Variants in TESK2 observed in about 807,000 individuals in gnomAD.
The protein encoded by TESK2 is dual specificity testis-specific protein kinase 2.
A neutral mutation model predicts 57.1 loss-of-function variants in TESK2; 39 were observed. The observed-to-expected ratio is 0.68, with a 90% CI of 0.53 to 0.89. The LOEUF (loss-of-function observed/expected upper bound fraction) is 0.89, where lower values mean the gene tolerates loss of function less well. TESK2 is among the 40% of genes least tolerant of loss of function. The pLI is 0.00. For missense variants in TESK2, 646 were observed against 732.1 expected (o/e 0.88, Z 1.36); for synonymous variants, 249 against 267.9 (o/e 0.93, Z 0.69).
chr1:45,475,690 G>A (rs1652961993), intron 1 of TESK2, among the ~76,000 whole-genome samples: 1 of 152,174 alleles, frequency 6.6e-6, no homozygotes, highest in African/African-American at 2.4e-5. Flanking sequence ...GCGGCCAAGG[G>A]AGATTAACAT....
chr1:45,384,389 G>GTCTGTCTGTCTA (rs1355753034), intron 4 of TESK2, among the ~76,000 whole-genome samples: 5 of 144,264 alleles, frequency 3.5e-5, no homozygotes, highest in African/African-American at 1.0e-4. Flanking sequence ...CTATCTATCT[G>GTCTGTCTGTCTA]TCTATCTATC....
chr1:45,488,472 G>A (rs1653576839), intron 1 of TESK2, among the ~76,000 whole-genome samples: 1 of 152,074 alleles, frequency 6.6e-6, no homozygotes, highest in Non-Finnish European at 1.5e-5. Context: ...ATATTTCCTA[G>A]ATGAACCTTC....
At chr1:45,398,373 C>A (rs1649449500) in intron 3 of TESK2, among the ~76,000 whole-genome samples, 1 of 151,988 alleles carries the variant, frequency 6.6e-6, no homozygotes, top group Non-Finnish European at 1.5e-5. Context: ...GAAACCCAAT[C>A]TCTACCAAAA....
At chr1:45,371,537 A>G (rs547717069) in intron 4 of TESK2, among the ~76,000 whole-genome samples, 2 of 152,346 alleles carry the variant, frequency 1.3e-5, no homozygotes, top group South Asian at 4.1e-4. Context: ...TTCCACTTAT[A>G]TGAGGTATCA....
intron 2 of TESK2, among the ~76,000 whole-genome samples, chr1:45,449,866 A>G (rs1236849028): frequency 3.9e-5 from 6 of 152,194 alleles, no homozygotes; most frequent in Non-Finnish European, 8.8e-5. Flanking sequence ...TTGTCTAAAT[A>G]CAATTTTTTA....
At chr1:45,452,359 C>G (rs1029261880) in intron 2 of TESK2, among the ~76,000 whole-genome samples, 7 of 151,560 alleles carry the variant, frequency 4.6e-5, no homozygotes, top group Middle Eastern at 3.2e-3. Context: ...ATCTAGAAGC[C>G]AAATTAACAT....
chr1:45,425,241 G>C (rs573400100), intron 2 of TESK2, among the ~76,000 whole-genome samples: 1 of 152,262 alleles, frequency 6.6e-6, no homozygotes, highest in Non-Finnish European at 1.5e-5. Context: ...ACAAAAATCA[G>C]TAGCATTTCT....
In TESK2 at chr1:45,446,967, C is replaced by T. The variant is rs184357685; in HGVS notation, c.222+10597G>A. ...GTACAGTTGTTCACACCTATAATCC[C>T]AGTACTTTGGGAAGCCAAGGTAGGG... On this transcript the variant is annotated intron_variant, in intron 2 of 10. Transcript: ENST00000372086. 2.8e-4 allele frequency among the ~76,000 whole-genome samples: 42 copies of T among 152,336 alleles called. No homozygotes were observed. The East Asian group carries it at 8.1e-3, about 29-fold the overall frequency.
chr1:45,349,117 C>T (rs1047464950), intron 5 of TESK2, among the ~76,000 whole-genome samples: 1 of 151,320 alleles, frequency 6.6e-6, no homozygotes, highest in Non-Finnish European at 1.5e-5. Flanking sequence ...CCATCTGACC[C>T]AAACCAGCCC....
At chr1:45,467,829 T>C (rs1258368517) in intron 1 of TESK2, among the ~76,000 whole-genome samples, 1 of 152,066 alleles carries the variant, frequency 6.6e-6, no homozygotes, top group Non-Finnish European at 1.5e-5. Context: ...GGCTAAAACT[T>C]CAAAATCATG....
intron 1 of TESK2, among the ~76,000 whole-genome samples, chr1:45,484,388 C>T (rs947994657): frequency 4.0e-5 from 6 of 151,798 alleles, no homozygotes; most frequent in Admixed American, 6.6e-5. Context: ...GAGTTACAGG[C>T]GTGAGCCACC....
intron 4 of TESK2, among the ~76,000 whole-genome samples, chr1:45,361,961 G>C (rs545286189): frequency 1.3e-5 from 2 of 152,188 alleles, no homozygotes; most frequent in South Asian, 2.1e-4. Flanking sequence ...AACATAGCAA[G>C]ACCCCCACTC....
chr1:45,358,964 C>T (rs2149266424), intron 4 of TESK2, among the ~76,000 whole-genome samples: 1 of 152,234 alleles, frequency 6.6e-6, no homozygotes, highest in African/African-American at 2.4e-5. Context: ...TTACTCAAAC[C>T]TTATATGATG....
In TESK2 at chr1:45,411,822, C is replaced by T. The variant is rs1399682279; in HGVS notation, c.344+9903G>A. Among the ~76,000 whole-genome samples the T allele has an allele frequency of 2.6e-5, 4 of 152,356 alleles. No homozygotes were observed. The East Asian group carries it at 7.7e-4, about 29-fold the overall frequency. ...CTCTTTCTTACTGCAATGCCACGAT[C>T]TCAGGGAATTGATTTTGTCTGTGCA... On this transcript the variant is annotated intron_variant, in intron 3 of 10. Coordinates refer to ENST00000372086, the MANE Select transcript of TESK2 (RefSeq NM_007170.3).
At chr1:45,475,363 C>T (rs1050693062) in intron 1 of TESK2, among the ~76,000 whole-genome samples, 9 of 151,538 alleles carry the variant, frequency 5.9e-5, no homozygotes, top group African/African-American at 1.7e-4. Flanking sequence ...TGTGCCACCA[C>T]GCCTGGCTAA....
At chr1:45,347,840 T>C in intron 6 of TESK2, 78 bp downstream of exon 6, 3 of 1,454,826 alleles carry the variant, frequency 2.1e-6, no homozygotes, top group Non-Finnish European at 2.9e-6. Flanking sequence ...AGTCCTGGCC[T>C]CTGGGGAGGA....
At chr1:45,347,731 TG>T in intron 6 of TESK2, 38 bp from the exon 7 acceptor site, 1 of 1,603,368 alleles carries the variant, frequency 6.2e-7, no homozygotes, top group African/African-American at 1.3e-5. Flanking sequence ...AGCTTGCCAA[TG>T]GCTGGTGCAA....
chr1:45,417,676 C>T (rs1444650087), intron 3 of TESK2, among the ~76,000 whole-genome samples: 1 of 151,960 alleles, frequency 6.6e-6, no homozygotes, highest in Middle Eastern at 3.2e-3. Context: ...ACTGCAAGCT[C>T]TGCCTCCAGG....
chr1:45,362,304 T>C (rs1448759590), intron 4 of TESK2, among the ~76,000 whole-genome samples: 2 of 152,192 alleles, frequency 1.3e-5, no homozygotes, highest in Non-Finnish European at 1.5e-5. Flanking sequence ...TAGGGTCTGG[T>C]AGGTACCAAT....
Sources: allele counts gnomAD v4.1 joint callset (sites outside exome capture counted in the v4.1 genomes callset), GRCh38; gene constraint gnomAD v4.1.1; transcripts MANE v1.5; gene names NCBI Gene and HGNC (gene_info 2026-07-23, HGNC 2026-07-21).